Variants in CDYL observed in about 807,000 individuals in gnomAD.
The protein encoded by CDYL is chromodomain Y like, also known as chromodomain Y-like protein.
Under a neutral mutation model 47.3 loss-of-function variants are expected in CDYL, and 8 were observed. The ratio of observed to expected loss-of-function variants is 0.17; its 90% CI spans 0.10 to 0.31. The LOEUF is 0.31. Ranked by LOEUF, CDYL falls within the 10% of genes least tolerant of loss-of-function variation. The pLI is 1.00. For synonymous variants in CDYL, 266 were observed against 265.0 expected (o/e 1.00, Z -0.04); for missense variants, 471 against 701.4 (o/e 0.67, Z 3.71).
At chr6:4,744,103 A>G (rs1215883883) in intron 3 of CDYL, among the ~76,000 whole-genome samples, 1 of 152,206 alleles carries the variant, frequency 6.6e-6, no homozygotes, top group Non-Finnish European at 1.5e-5. Context: ...GGGGAGCTGA[A>G]TCACTACTGA....
At chr6:4,777,676 C>A in intron 1 of CDYL, among the ~76,000 whole-genome samples, 1 of 152,178 alleles carries the variant, frequency 6.6e-6, no homozygotes, top group Middle Eastern at 3.2e-3. Context: ...TCTCTAGACT[C>A]ACCTTTATGA....
At position 4,804,473 on chromosome 6, in the gene CDYL, G is replaced by A. The variant is rs7769479; in HGVS notation, c.24+27666G>A. Among the ~76,000 whole-genome samples the A allele has an allele frequency of 9.1e-3, 1,382 of 152,250 alleles. 22 individuals are homozygous for A. Among genetic ancestry groups the A allele is most frequent in the African/African-American group, 0.032 (1,317 of 41,532 alleles). On this transcript the variant is annotated intron_variant, in intron 1 of 6. Transcript: ENST00000397588. ...CTCAAAATAAAGACCTTTGTCTTAC[G>A]ACCGCATCTCCAGGCCAGTGGCCTG...
chr6:4,863,478 A>G (rs1448945172), intron 1 of CDYL, among the ~76,000 whole-genome samples: 2 of 152,234 alleles, frequency 1.3e-5, no homozygotes, highest in African/African-American at 4.8e-5. Flanking sequence ...GTCACTTTAC[A>G]CTCAAAAAGA....
intron 2 of CDYL, among the ~76,000 whole-genome samples, chr6:4,734,501 A>G (rs1757665808): frequency 6.6e-6 from 1 of 152,094 alleles, no homozygotes; most frequent in Admixed American, 6.6e-5. Flanking sequence ...TCCACTCCAC[A>G]TTCCAGATGG....
intron 1 of CDYL, among the ~76,000 whole-genome samples, chr6:4,856,119 C>T (rs1761000637): frequency 6.6e-6 from 1 of 152,168 alleles, no homozygotes; most frequent in Non-Finnish European, 1.5e-5. Flanking sequence ...GCACAGGTAT[C>T]TAAAAACACC....
intron 5 of CDYL, among the ~76,000 whole-genome samples, chr6:4,951,522 T>G (rs982316063): frequency 2.6e-5 from 4 of 152,120 alleles, no homozygotes; most frequent in African/African-American, 9.6e-5. Flanking sequence ...TATACACATA[T>G]ATATTCTTTT....
intron 1 of CDYL, among the ~76,000 whole-genome samples, chr6:4,890,968 G>A (rs150251982): frequency 1.1e-3 from 171 of 152,308 alleles, no homozygotes; most frequent in African/African-American, 3.9e-3. Flanking sequence ...TTCCATTTAC[G>A]CTTCAGATGT....
At chr6:4,833,894 AC>A (rs1235744915) in intron 1 of CDYL, among the ~76,000 whole-genome samples, 3 of 151,580 alleles carry the variant, frequency 2.0e-5, no homozygotes, top group Admixed American at 1.3e-4. Flanking sequence ...TAGGATTGCA[AC>A]CCCTGCCTTT....
At chr6:4,832,184 T>C (rs1183018262) in intron 1 of CDYL, among the ~76,000 whole-genome samples, 2 of 152,184 alleles carry the variant, frequency 1.3e-5, no homozygotes, top group African/African-American at 2.4e-5. Flanking sequence ...CCAGTTTTTG[T>C]CCATTCAGTA....
chr6:4,716,476 T>A (rs1053663990), intron 2 of CDYL, among the ~76,000 whole-genome samples: 2 of 152,128 alleles, frequency 1.3e-5, no homozygotes, highest in Non-Finnish European at 2.9e-5. Context: ...CATTGCTCTT[T>A]AGTAACTTTT....
At chr6:4,827,702 C>G (rs373705259) in intron 1 of CDYL, among the ~76,000 whole-genome samples, 5 of 152,218 alleles carry the variant, frequency 3.3e-5, no homozygotes, top group East Asian at 1.9e-4. Context: ...GTCACCCAGG[C>G]TGGAGCGCAG....
chr6:4,805,050 A>G (rs28396126), intron 1 of CDYL, among the ~76,000 whole-genome samples: 2 of 152,192 alleles, frequency 1.3e-5, no homozygotes, highest in Non-Finnish European at 2.9e-5. Flanking sequence ...GACCAAAAAA[A>G]CCCCAAAAAA....
intron 5 of CDYL, among the ~76,000 whole-genome samples, chr6:4,950,447 CAG>C (rs1758662682): frequency 1.3e-5 from 2 of 152,222 alleles, no homozygotes; most frequent in Admixed American, 1.3e-4. Context: ...CCCGACAGCA[CAG>C]AGCACTTCGT....
chr6:4,844,860 TG>T (rs1760607922), intron 1 of CDYL, among the ~76,000 whole-genome samples: 1 of 152,230 alleles, frequency 6.6e-6, no homozygotes, highest in Non-Finnish European at 1.5e-5. Flanking sequence ...TCATAAGAAC[TG>T]TCTAAACCTC....
At chr6:4,924,690 C>G (rs751721228) in intron 2 of CDYL, among the ~76,000 whole-genome samples, 1 of 151,960 alleles carries the variant, frequency 6.6e-6, no homozygotes, top group Non-Finnish European at 1.5e-5. Context: ...AATTTTTTCT[C>G]GAGTCAACCA....
intron 5 of CDYL, 93 bp from the exon 6 acceptor site, chr6:4,952,173 G>GA (rs1461289208): frequency 2.1e-6 from 3 of 1,434,882 alleles, no homozygotes; most frequent in Admixed American, 2.2e-5. Flanking sequence ...TGGTATTTGT[G>GA]AATGTTTCCC....
chr6:4,875,072 C>G (rs189905465), intron 1 of CDYL, among the ~76,000 whole-genome samples: 85 of 152,188 alleles, frequency 5.6e-4, no homozygotes, highest in African/African-American at 2.0e-3. Flanking sequence ...AGTGGAATTG[C>G]TGAGGGAGGT....
chr6:4,934,222 G>A (rs1239465381), intron 2 of CDYL, among the ~76,000 whole-genome samples: 2 of 152,038 alleles, frequency 1.3e-5, no homozygotes, highest in Non-Finnish European at 2.9e-5. Flanking sequence ...GAGGGCAGGG[G>A]GATCCTGTGT....
intron 1 of CDYL, among the ~76,000 whole-genome samples, chr6:4,875,888 C>A (rs190472401): frequency 3.9e-5 from 6 of 152,300 alleles, no homozygotes; most frequent in Non-Finnish European, 1.5e-5. Context: ...TGGAGACATA[C>A]CCCTAAAAAT....
Sources: gnomAD v4.1 joint callset for allele counts (sites outside exome capture counted in the v4.1 genomes callset) on GRCh38, gnomAD v4.1.1 for gene constraint, MANE v1.5 for transcripts, NCBI Gene and HGNC (gene_info 2026-07-23, HGNC 2026-07-21) for gene names.